ZNF12: variants seen among roughly 807,000 people sequenced by gnomAD.
ZNF12 encodes the protein gonadotropin inducible transcription repressor 3.
Under a neutral mutation model 66.6 loss-of-function variants are expected in ZNF12, and 34 were observed. The observed-to-expected ratio is 0.51, with a 90% CI of 0.39 to 0.68. The LOEUF is 0.68. ZNF12 is among the 30% of genes least tolerant of loss of function. ZNF12 has a pLI of 0.00. For missense variants in ZNF12, 697 were observed against 826.9 expected, an observed-to-expected ratio of 0.84 and a Z score of 1.93; for synonymous variants, 320 against 278.9, an observed-to-expected ratio of 1.15 and a Z score of -1.47.
Position 6,706,718 on chromosome 7 carries a change from G to C in ZNF12, c.-337C>G. 1 of 248,138 alleles carries C rather than the reference G, an allele frequency of 4.0e-6. No individual in the cohort carries two copies. Among genetic ancestry groups the C allele is most frequent in the Non-Finnish European group, 7.9e-6 (1 of 126,896 alleles). The allele number at this position is 248,138 out of a possible 1,614,324, so 15.4% of individuals were successfully genotyped here. On this transcript the variant is annotated 5_prime_UTR_variant, in exon 1 of 5. Transcript: ENST00000405858. ...CCGCCGCCCCTTCGCCTCCGCCGTC[G>C]TCACCGCCCGGCCGGCCCCTTGGGC...
At chr7:6,693,774 A>C (rs1583463699) in intron 4 of ZNF12, among the ~76,000 whole-genome samples, 1 of 152,178 alleles carries the variant, frequency 6.6e-6, no homozygotes, top group Admixed American at 6.6e-5. Flanking sequence ...TCTCCTGACC[A>C]TTTGCTTAAG....
Position 6,702,516 on chromosome 7 carries a change from C to A in ZNF12, c.15+2643G>T, listed in dbSNP as rs1483286236. 7.7e-5 allele frequency among the ~76,000 whole-genome samples: 2 copies of A among 25,926 alleles called. 1 individual carries two copies. Among genetic ancestry groups the A allele is most frequent in the African/African-American group, 3.1e-4 (2 of 6,372 alleles). 17.0% of individuals were successfully genotyped at this position (25,926 alleles called of 152,430 possible). On this transcript the variant is annotated intron_variant, in intron 2 of 4. Transcript: ENST00000405858. ...CACACACACACACACACAGATTTAT[C>A]TCCCAAACTGCACACACACACACAC...
rs1583467341 is a variant in ZNF12 at position 6,701,247 on chromosome 7, ACC to A, written c.16-3438_16-3437del. Among the ~76,000 whole-genome samples the A allele has an allele frequency of 2.0e-5, 3 of 152,180 alleles. No individual in the cohort carries two copies. The East Asian group carries it at 5.8e-4, about 29-fold the overall frequency. ...TCTCCCATAATTACATCCATGAATTACCTCCTCCAAGGAGAACATAAGCACCT... is the reference window on the plus strand; with the variant it reads ...TCTCCCATAATTACATCCATGAATTATCCTCCAAGGAGAACATAAGCACCT... On this transcript the variant is annotated intron_variant, in intron 2 of 4. Coordinates refer to ENST00000405858, the MANE Select transcript of ZNF12 (RefSeq NM_016265.4).
intron 2 of ZNF12, among the ~76,000 whole-genome samples, chr7:6,699,086 G>A (rs1309344028): frequency 1.3e-5 from 2 of 152,214 alleles, no homozygotes; most frequent in Admixed American, 1.3e-4. Context: ...TGAAGGTTAT[G>A]TGGTTGTTAT....
rs1327669966 is a variant in ZNF12, at chr7:6,698,067, C to T, written c.16-256G>A. ...CAGAAACAATCCTGGCTGTTGGGAA[C>T]TCTTAACACCAGCAGGGACGAATCT... On this transcript the variant is annotated intron_variant, in intron 2 of 4. Coordinates refer to ENST00000405858, the MANE Select transcript of ZNF12 (RefSeq NM_016265.4). The surrounding 1 kb of genome is among the most constrained non-coding windows in gnomAD (Gnocchi z 4.4). 4.4e-6 allele frequency: 3 copies of T among 682,982 alleles called. No individual in the cohort carries two copies. Among genetic ancestry groups the T allele is most frequent in the Non-Finnish European group, 8.2e-6 (3 of 367,346 alleles). 42.3% of individuals were successfully genotyped at this position (682,982 alleles called of 1,614,324 possible).
intron 2 of ZNF12, chr7:6,700,959 C>T (rs937559401): frequency 1.7e-4 from 21 of 126,088 alleles, no homozygotes; most frequent in East Asian, 8.0e-4. Flanking sequence ...TTCATTTGTT[C>T]GTTTGTTCGT....
Position 6,698,720 on chromosome 7 carries a change from G to A in ZNF12, c.16-909C>T, listed in dbSNP as rs183915839. 9.2e-5 allele frequency among the ~76,000 whole-genome samples: 14 copies of A among 152,272 alleles called. No homozygotes were observed. In the East Asian group the frequency reaches 1.5e-3, roughly 17 times the overall value. On this transcript the variant is annotated intron_variant, in intron 2 of 4. Transcript: ENST00000405858. This position sits in a 1 kb window ranked among gnomAD's most constrained non-coding sequence, Gnocchi z 4.4. ...AATTTCCTTTCTTCCCATGGTACAC[G>A]TTCTAGGAGAAAGGAACATTCCTGA...
rs6974325 is a variant in ZNF12 at position 6,698,852 on chromosome 7, G to C, written c.16-1041C>G. Among the ~76,000 whole-genome samples, 2 of 152,044 alleles carry C rather than the reference G, an allele frequency of 1.3e-5. No homozygotes were observed. Among genetic ancestry groups the C allele is most frequent in the African/African-American group, 4.8e-5 (2 of 41,346 alleles). ...AGTACTCACACTAGCCATTATAACT[G>C]TTTCCTTTAATATCATCCCCTCTAA... On this transcript the variant is annotated intron_variant, in intron 2 of 4. Coordinates refer to ENST00000405858, the MANE Select transcript of ZNF12 (RefSeq NM_016265.4). The surrounding 1 kb of genome is among the most constrained non-coding windows in gnomAD (Gnocchi z 4.4).
Position 6,688,652 on chromosome 7 carries a change from C to G in ZNF12, c.*2196G>C, listed in dbSNP as rs1323406248. ...GAGAAAAAGTGCTGAGTGACAAAAA[C>G]AGGAGCCATGTGTGATTTTAATAAA... On this transcript the variant is annotated 3_prime_UTR_variant, in exon 5 of 5. Coordinates refer to ENST00000405858, the MANE Select transcript of ZNF12 (RefSeq NM_016265.4). The surrounding 1 kb of genome is among the most constrained non-coding windows in gnomAD (Gnocchi z 4.3). The G allele has an allele frequency of 6.6e-6, 1 of 152,186 alleles. No individual in the cohort carries two copies. The highest frequency in any genetic ancestry group is 2.4e-5 in the African/African-American group (1 of 41,438). The allele number at this position is 152,186 out of a possible 1,614,324, so 9.4% of individuals were successfully genotyped here. A position where few individuals can be genotyped will look rare whatever the true frequency, so the allele number is the denominator to read the frequency against.
intron 4 of ZNF12, among the ~76,000 whole-genome samples, chr7:6,695,712 T>C (rs1429195624): frequency 1.3e-5 from 2 of 152,192 alleles, no homozygotes; most frequent in Non-Finnish European, 2.9e-5. Context: ...ATAGACACTA[T>C]CGAATAACAG....
At chr7:6,700,289 G>A (rs375087076) in intron 2 of ZNF12, among the ~76,000 whole-genome samples, 14,209 of 119,044 alleles carry the variant, frequency 0.12, 1,008 homozygotes, top group African/African-American at 0.22. Context: ...CGTCTGAGAG[G>A]AAAAAAAAAA....
chr7:6,698,804 T>C lies in ZNF12; in HGVS notation c.16-993A>G, dbSNP rs917239116. 1.3e-5 allele frequency among the ~76,000 whole-genome samples: 2 copies of C among 152,210 alleles called. No homozygotes were observed. Among genetic ancestry groups the C allele is most frequent in the Non-Finnish European group, 2.9e-5 (2 of 68,042 alleles). ...AACCACATCTATAAATGTGTATCTT[T>C]TGAATAAAGTGTCCCATTCACAAGT... On this transcript the variant is annotated intron_variant, in intron 2 of 4. Coordinates refer to ENST00000405858, the MANE Select transcript of ZNF12 (RefSeq NM_016265.4). This position sits in a 1 kb window ranked among gnomAD's most constrained non-coding sequence, Gnocchi z 4.4.
chr7:6,701,274 T>C (rs1055485112), intron 2 of ZNF12, among the ~76,000 whole-genome samples: 26 of 152,266 alleles, frequency 1.7e-4, no homozygotes, highest in Middle Eastern at 3.4e-3. Context: ...CATAAGCACC[T>C]TGAGAGAAAG....
rs1780064492 is a variant in ZNF12 at position 6,691,330 on chromosome 7, T to G, written c.1612A>C (p.Arg538=). 6.2e-7 allele frequency: 1 copy of G among 1,613,744 alleles called. No individual in the cohort carries two copies. Among genetic ancestry groups the G allele is most frequent in the African/African-American group, 1.3e-5 (1 of 74,884 alleles). The change falls in exon 5 of 5, where the codon AGA becomes CGA. Residue 538 remains arginine (R), a synonymous_variant. Transcript: ENST00000405858. ...TCTCCTTTGTGTATTCTCCGATGTC[T>G]ACAAAGGGCTGAGTTCTGGTAGAAG... ...KTFYQNSALC[R]HRRIHKGEKP... is the part of the protein sequence containing the mutation.
intron 1 of ZNF12, among the ~76,000 whole-genome samples, chr7:6,706,098 T>C (rs1308903914): frequency 4.6e-5 from 7 of 152,170 alleles, no homozygotes. Flanking sequence ...CTACAACGTA[T>C]GATTCCACAA....
Position 6,691,266 on chromosome 7 carries a change from G to C in ZNF12, c.1676C>G (p.Ser559Cys). Residue 559 changes from serine to cysteine, a missense_variant, in exon 5 of 5, where the codon TCT (serine) becomes TGT (cysteine). Ser to Cys is a moderately radical substitution (Grantham distance 112). Coordinates refer to ENST00000405858, the MANE Select transcript of ZNF12 (RefSeq NM_016265.4). ...YECYICGKFF[S>C]QMSYLTIHHR... ...ATGTATAGTGAGGTATGACATCTGA[G>C]AGAAGAATTTTCCACATATATAGCA... is the stretch of plus-strand genomic sequence containing the variant. The C allele has an allele frequency of 6.2e-7, 1 of 1,613,974 alleles. No homozygotes were observed. Among genetic ancestry groups the C allele is most frequent in the Non-Finnish European group, 8.5e-7 (1 of 1,179,950 alleles).
chr7:6,701,951 C>CAA (rs34380276), intron 2 of ZNF12, among the ~76,000 whole-genome samples: 37 of 127,156 alleles, frequency 2.9e-4, no homozygotes, highest in South Asian at 5.2e-4. Flanking sequence ...CAAAATTTCT[C>CAA]AAAAAAAAAA....
In ZNF12 at chr7:6,691,415, AGT is replaced by A; in HGVS notation, c.1525_1526del (p.Thr509TyrfsTer4). 6.2e-7 allele frequency: 1 copy of A among 1,614,002 alleles called. No homozygotes were observed. Among genetic ancestry groups the A allele is most frequent in the Middle Eastern group, 1.7e-4 (1 of 6,044 alleles). On this transcript the variant is annotated frameshift_variant, in exon 5 of 5. Coordinates refer to ENST00000405858, the MANE Select transcript of ZNF12 (RefSeq NM_016265.4). LOFTEE classifies it high-confidence loss of function. The part of the protein sequence containing the change: ...GKLFSQLSYL[T>X]IHHRTHSGVK... The stretch of plus-strand genomic sequence containing the variant: ...CTCCTGAATGAGTTCTATGATGGAT[AGT>A]GAGGTATGACAACTGGGAGAATAAC...
chr7:6,691,677 G>T lies in ZNF12; in HGVS notation c.1265C>A (p.Ser422Tyr), dbSNP rs748632152. 2 of 1,613,656 alleles carry T rather than the reference G, an allele frequency of 1.2e-6. No homozygotes were observed. Among genetic ancestry groups the T allele is most frequent in the Non-Finnish European group, 1.7e-6 (2 of 1,179,798 alleles). The change falls in exon 5 of 5, where the codon TCT becomes TAT. Residue 422 changes from serine to tyrosine, a missense_variant. By Grantham distance (144) the Ser-to-Tyr change is moderately radical. Coordinates refer to ENST00000405858, the MANE Select transcript of ZNF12 (RefSeq NM_016265.4). ...GGTCCTCAGGTGGGTCGTGAGAGTAGACTTGCGGCAGAAGCATTTCCCACA... is the reference window on the plus strand; with the variant it reads ...GGTCCTCAGGTGGGTCGTGAGAGTATACTTGCGGCAGAAGCATTTCCCACA... ...SECGKCFCRK[S>Y]TLTTHLRTHT...
Sources: allele counts gnomAD v4.1 joint callset (sites outside exome capture counted in the v4.1 genomes callset), GRCh38; gene constraint gnomAD v4.1.1; non-coding constraint Gnocchi (gnomAD v3.1); transcripts MANE v1.5; gene names NCBI Gene and HGNC (gene_info 2026-07-23, HGNC 2026-07-21).